The following SMARCB1 variants were observed in gnomAD, a reference collection of about 807,000 sequenced individuals.
SMARCB1 encodes SWI/SNF related BAF chromatin remodeling complex subunit B1.
A neutral mutation model predicts 49.0 loss-of-function variants in SMARCB1; 5 were observed. That is an observed-to-expected ratio of 0.10 (90% CI 0.05 to 0.21). SMARCB1 has a LOEUF of 0.21. SMARCB1 is among the 10% of genes least tolerant of loss of function. The pLI is 1.00. For missense variants in SMARCB1, 226 were observed against 509.2 expected, an observed-to-expected ratio of 0.44 and a Z score of 5.35; for synonymous variants, 201 against 200.1, an observed-to-expected ratio of 1.00 and a Z score of -0.04.
intron 5 of SMARCB1, among the ~76,000 whole-genome samples, chr22:23,805,751 C>A (rs35663839): frequency 0.013 from 1,999 of 152,268 alleles, 46 homozygotes; most frequent in African/African-American, 0.044. Context: ...GTGATCCGCC[C>A]GCCTTGGCCT....
intron 5 of SMARCB1, among the ~76,000 whole-genome samples, chr22:23,806,659 C>G (rs752661439): frequency 1.3e-5 from 2 of 152,142 alleles, no homozygotes; most frequent in African/African-American, 4.8e-5. Flanking sequence ...TGGTGGCTCA[C>G]GCCTGTAATC....
At chr22:23,788,884 C>CT (rs1325537100) in intron 1 of SMARCB1, among the ~76,000 whole-genome samples, 7 of 150,994 alleles carry the variant, frequency 4.6e-5, no homozygotes, top group African/African-American at 1.5e-4. Context: ...AGGTTTGACT[C>CT]TATCACCCAG....
At chr22:23,798,332 G>A (rs536217748) in intron 3 of SMARCB1, among the ~76,000 whole-genome samples, 1 of 152,322 alleles carries the variant, frequency 6.6e-6, no homozygotes, top group African/African-American at 2.4e-5. Context: ...GGGAGGCCAA[G>A]GTGGGAGGAT....
At position 23,787,355 on chromosome 22, in the gene SMARCB1, CG is replaced by C. The variant is rs1220366807; in HGVS notation, c.93+97del. Reference sequence around the variant, plus strand: ...GCCGAGAGCGCGCGTCTCCATTCATCGGGGCGGGCGGGCGCGCGCGCGCGCG... The same window carrying C: ...GCCGAGAGCGCGCGTCTCCATTCATCGGGCGGGCGGGCGCGCGCGCGCGCG... On this transcript the variant is annotated intron_variant, in intron 1 of 8. Coordinates refer to ENST00000644036, the MANE Select transcript of SMARCB1 (RefSeq NM_003073.5). 4 of 585,820 alleles carry C rather than the reference CG, an allele frequency of 6.8e-6. No individual in the cohort carries two copies. In the Admixed American group the frequency reaches 1.7e-4, roughly 25 times the overall value. 36.3% of individuals were successfully genotyped at this position (585,820 alleles called of 1,614,324 possible).
Position 23,833,597 on chromosome 22 carries a change from A to G in SMARCB1, c.1012A>G (p.Ile338Val). The change falls in exon 8 of 9, where the codon ATT (isoleucine) becomes GTT (valine). Residue 338 changes from isoleucine (I) to valine (V), a missense_variant. By Grantham distance (29) the Ile-to-Val change is conservative. Transcript: ENST00000644036. Reference sequence around the variant, plus strand: ...CGAGAACCCTCTGCCCACAGTGGAGATTGCCATCCGGAACACGGGCGATGC... The same window carrying G: ...CGAGAACCCTCTGCCCACAGTGGAGGTTGCCATCCGGAACACGGGCGATGC... ...FSENPLPTVE[I>V]AIRNTGDADQ... 1 of 1,614,116 alleles carries G rather than the reference A, an allele frequency of 6.2e-7. No individual in the cohort carries two copies. Among genetic ancestry groups the G allele is most frequent in the Non-Finnish European group, 8.5e-7 (1 of 1,180,020 alleles).
intron 6 of SMARCB1, among the ~76,000 whole-genome samples, chr22:23,822,121 C>T (rs576344104): frequency 6.6e-6 from 1 of 152,292 alleles, no homozygotes; most frequent in East Asian, 1.9e-4. Context: ...GAAAGAGTGC[C>T]TTAGGTTAGA....
rs183324088 is a variant in SMARCB1 at position 23,791,661 on chromosome 22, C to T, written c.94-95C>T. Reference sequence around the variant, plus strand: ...TGGCGCCTGGGGGCCACCTCAAGGCCTGTTTGTCTGTTGCTTGATGCAGTC... The same window carrying T: ...TGGCGCCTGGGGGCCACCTCAAGGCTTGTTTGTCTGTTGCTTGATGCAGTC... On this transcript the variant is annotated intron_variant, in intron 1 of 8. Coordinates refer to ENST00000644036, the MANE Select transcript of SMARCB1 (RefSeq NM_003073.5). 7.3e-3 allele frequency: 9,116 copies of T among 1,252,854 alleles called. 356 individuals are homozygous for T. In the South Asian group the frequency reaches 0.078, roughly 11 times the overall value. The allele number at this position is 1,252,854 out of a possible 1,614,324, so 77.6% of individuals were successfully genotyped here.
In SMARCB1 at chr22:23,816,274, G is replaced by T. The variant is rs34054876; in HGVS notation, c.629-496G>T. 3.0e-3 allele frequency: 689 copies of T among 226,024 alleles called. 3 individuals carry two copies. The highest frequency in any genetic ancestry group is 0.014 in the African/African-American group (639 of 44,414). 14.0% of individuals were successfully genotyped at this position (226,024 alleles called of 1,614,324 possible). ...TAGGGACCTCCACGCTTGTGACCTTGTTGAGGCCCTGCTGCTGCTACTGCA... is the reference window on the plus strand; with the variant it reads ...TAGGGACCTCCACGCTTGTGACCTTTTTGAGGCCCTGCTGCTGCTACTGCA... On this transcript the variant is annotated intron_variant, in intron 5 of 8. Transcript: ENST00000644036.
chr22:23,832,121 G>T (rs2030687241), intron 7 of SMARCB1, among the ~76,000 whole-genome samples: 1 of 152,150 alleles, frequency 6.6e-6, no homozygotes, highest in Non-Finnish European at 1.5e-5. Context: ...ACCTGGAACG[G>T]GCTCACGGCT....
chr22:23,791,739 T>C lies in SMARCB1; in HGVS notation c.94-17T>C, dbSNP rs1233272975. 3.1e-6 allele frequency: 5 copies of C among 1,613,430 alleles called. No individual in the cohort carries two copies. The highest frequency in any genetic ancestry group is 1.7e-5 in the Admixed American group (1 of 60,018). On this transcript the variant is annotated splice_polypyrimidine_tract_variant and intron_variant, in intron 1 of 8. Transcript: ENST00000644036. ...GTGCTGCGACCCTTATAATGAGCCT[T>C]CTTGCTTTACTCATAGGTGGGAAAC...
intron 5 of SMARCB1, among the ~76,000 whole-genome samples, chr22:23,809,158 A>G (rs1240019841): frequency 1.3e-5 from 2 of 151,820 alleles, no homozygotes; most frequent in African/African-American, 2.4e-5. Flanking sequence ...TCTCGTGAGA[A>G]ACTGGACGCT....
chr22:23,827,280 G>A (rs1023593414), intron 7 of SMARCB1, among the ~76,000 whole-genome samples: 2 of 152,242 alleles, frequency 1.3e-5, no homozygotes, highest in African/African-American at 4.8e-5. Flanking sequence ...TCCAGGGTCA[G>A]GAACTGAAGT....
chr22:23,787,182 G>A lies in SMARCB1; in HGVS notation c.13G>A (p.Ala5Thr), dbSNP rs1928040877. 1.9e-6 allele frequency: 3 copies of A among 1,607,972 alleles called. No individual in the cohort carries two copies. Among genetic ancestry groups the A allele is most frequent in the Non-Finnish European group, 2.6e-6 (3 of 1,176,448 alleles). Residue 5 changes from alanine (A) to threonine (T), a missense_variant, in exon 1 of 9, where the codon GCG becomes ACG. Coordinates refer to ENST00000644036, the MANE Select transcript of SMARCB1 (RefSeq NM_003073.5). The part of the protein sequence containing the change: MMMM[A>T]LSKTFGQKPV... ...CTCTGCCGCCGCAATGATGATGATG[G>A]CGCTGAGCAAGACCTTCGGGCAGAA...
Position 23,834,430 on chromosome 22 carries a change from T to C in SMARCB1, c.*250T>C, listed in dbSNP as rs1362572927. ...GGTCAGGAAGAAACCTTATTTTAGG[T>C]TGTGTTTTGTTTTTGTATAGGAGCC... is the stretch of plus-strand genomic sequence containing the variant. On this transcript the variant is annotated 3_prime_UTR_variant, in exon 9 of 9. Transcript: ENST00000644036. 1.5e-6 allele frequency: 1 copy of C among 661,270 alleles called. No homozygotes were observed. Among genetic ancestry groups the C allele is most frequent in the Non-Finnish European group, 2.7e-6 (1 of 370,090 alleles). 41.0% of individuals were successfully genotyped at this position (661,270 alleles called of 1,614,324 possible).
chr22:23,799,679 A>ATTTTTTTTTTTTTTTTTTTTTTTT (rs71184912), intron 3 of SMARCB1, among the ~76,000 whole-genome samples: 4 of 68,416 alleles, frequency 5.8e-5, no homozygotes, highest in African/African-American at 1.2e-4. Flanking sequence ...CACCTGGCTA[A>ATTTTTTTTTTTTTTTTTTTTTTTT]TTTTTTTTTT....
intron 6 of SMARCB1, among the ~76,000 whole-genome samples, chr22:23,820,335 G>GA (rs148452812): frequency 0.12 from 18,830 of 152,186 alleles, 1,256 homozygotes; most frequent in South Asian, 0.27. Flanking sequence ...AGCACTTTGG[G>GA]AGACCGAGGC....
At chr22:23,807,861 C>G (rs1048806946) in intron 5 of SMARCB1, among the ~76,000 whole-genome samples, 5 of 139,648 alleles carry the variant, frequency 3.6e-5, no homozygotes, top group African/African-American at 1.1e-4. Context: ...GTGGCATGAT[C>G]TCGGCTCACT....
At chr22:23,788,392 G>A (rs1928148917) in intron 1 of SMARCB1, among the ~76,000 whole-genome samples, 1 of 152,134 alleles carries the variant, frequency 6.6e-6, no homozygotes, top group Non-Finnish European at 1.5e-5. Context: ...GCAGTTTTTA[G>A]TATCATATTC....
chr22:23,817,188 G>T, intron 6 of SMARCB1: 1 of 581,250 alleles, frequency 1.7e-6, no homozygotes, highest in South Asian at 2.0e-5. Context: ...TCTGAGCAAA[G>T]CCCGGAGGTC....
Sources: allele counts gnomAD v4.1 joint callset (sites outside exome capture counted in the v4.1 genomes callset), GRCh38; gene constraint gnomAD v4.1.1; transcripts MANE v1.5; gene names NCBI Gene and HGNC (gene_info 2026-07-23, HGNC 2026-07-21).